The following NEDD1 variants were observed in gnomAD, a reference collection of about 807,000 sequenced individuals.
NEDD1 encodes the protein NEDD1 gamma-tubulin ring complex targeting factor.
In NEDD1, 33 loss-of-function variants were observed where a neutral mutation model predicts 74.0. The observed-to-expected ratio is 0.45, with a 90% CI of 0.34 to 0.60. The LOEUF (loss-of-function observed/expected upper bound fraction) is 0.60. NEDD1 is among the 20% of genes least tolerant of loss of function. The probability of loss-of-function intolerance (pLI) is 0.01; values close to 1 mark genes in which losing one functional copy is unlikely to be tolerated. For synonymous variants in NEDD1, 250 were observed against 264.4 expected, an observed-to-expected ratio of 0.95 and a Z score of 0.53; for missense variants, 746 against 776.5, an observed-to-expected ratio of 0.96 and a Z score of 0.47.
intron 6 of NEDD1, among the ~76,000 whole-genome samples, chr12:96,932,968 T>C (rs574287275): frequency 1.3e-5 from 2 of 152,008 alleles, no homozygotes; most frequent in East Asian, 3.9e-4. Context: ...CTTAGGTTTA[T>C]CTGAAGGGAA....
chr12:96,909,923 C>T, intron 3 of NEDD1, 28 bp downstream of exon 3: 1 of 1,588,336 alleles, frequency 6.3e-7, no homozygotes, highest in Non-Finnish European at 8.5e-7. Context: ...AAAACACACA[C>T]ACACACACAC....
chr12:96,924,720 T>A, intron 6 of NEDD1: 1 of 327,512 alleles, frequency 3.1e-6, no homozygotes, highest in South Asian at 2.6e-5. Context: ...AAAGAATTTG[T>A]AGTATTTACA....
At chr12:96,914,575 A>G (rs375295556) in intron 4 of NEDD1, among the ~76,000 whole-genome samples, 7 of 152,208 alleles carry the variant, frequency 4.6e-5, no homozygotes, top group East Asian at 3.8e-4. Context: ...ACAGAAACAT[A>G]TTAATGTGCT....
intron 15 of NEDD1, among the ~76,000 whole-genome samples, 191 bp downstream of exon 15, chr12:96,951,689 C>T (rs1565817996): frequency 6.6e-6 from 1 of 151,582 alleles, no homozygotes; most frequent in African/African-American, 2.4e-5. Flanking sequence ...GATACTTAAG[C>T]CTTCTTTTTT....
rs767893833 is a variant in NEDD1, at chr12:96,940,452, A to C, written c.1161A>C (p.Thr387=). The change falls in exon 10 of 16, where the codon ACA becomes ACC. Residue 387 remains threonine (T), a synonymous_variant. Coordinates refer to ENST00000266742, the MANE Select transcript of NEDD1 (RefSeq NM_152905.4). ...ACACAGACACTTTATCTAAGGAAAC[A>C]GACAGTGGAAAAAATCAGGATTTCT... ...SINTDTLSKE[T]DSGKNQDFSS... is the part of the protein sequence containing the mutation. 6.2e-7 allele frequency: 1 copy of C among 1,603,534 alleles called. No homozygotes were observed. Among genetic ancestry groups the C allele is most frequent in the Non-Finnish European group, 8.5e-7 (1 of 1,171,286 alleles).
At chr12:96,930,294 C>G (rs1876314958) in intron 6 of NEDD1, among the ~76,000 whole-genome samples, 1 of 151,616 alleles carries the variant, frequency 6.6e-6, no homozygotes. Context: ...TTTGGTCATT[C>G]TCTAGGAGAA....
chr12:96,940,351 T>G (rs1877539646), intron 9 of NEDD1, 58 bp from the exon 10 acceptor site: 2 of 1,063,602 alleles, frequency 1.9e-6, no homozygotes, highest in Admixed American at 4.3e-5. Context: ...ACAACCTAGC[T>G]TATGATAAAA....
chr12:96,915,628 A>G (rs969454125), intron 4 of NEDD1, among the ~76,000 whole-genome samples: 1 of 152,218 alleles, frequency 6.6e-6, no homozygotes, highest in African/African-American at 2.4e-5. Context: ...TGGAAGTTCC[A>G]ACTAATGTGA....
chr12:96,922,730 G>A (rs10431407), intron 6 of NEDD1, among the ~76,000 whole-genome samples: 72,825 of 152,032 alleles, frequency 0.48, 17,714 homozygotes, highest in African/African-American at 0.54. Context: ...ATACATTGGT[G>A]TAACTACTAA....
At position 96,952,501 on chromosome 12, in the gene NEDD1, T is replaced by C. The variant is rs116332402; in HGVS notation, c.*448T>C. On this transcript the variant is annotated 3_prime_UTR_variant, in exon 16 of 16. Transcript: ENST00000266742. ...AAAGTAATTTTAAAATGGCAATTGGTGTTTCTAAGCCATTGACTAATAAAA... is the reference window on the plus strand; with the variant it reads ...AAAGTAATTTTAAAATGGCAATTGGCGTTTCTAAGCCATTGACTAATAAAA... 0.013 allele frequency: 2,030 copies of C among 152,938 alleles called. 30 individuals carry two copies. Among genetic ancestry groups the C allele is most frequent in the South Asian group, 0.064 (314 of 4,872 alleles). 9.5% of individuals were successfully genotyped at this position (152,938 alleles called of 1,614,324 possible). A position where few individuals can be genotyped will look rare whatever the true frequency, so the allele number is the denominator to read the frequency against.
intron 11 of NEDD1, among the ~76,000 whole-genome samples, chr12:96,943,246 A>G (rs1031331456): frequency 6.6e-6 from 1 of 152,142 alleles, no homozygotes; most frequent in Non-Finnish European, 1.5e-5. Context: ...TCAGTTATCA[A>G]GAACTAATAC....
At chr12:96,947,241 T>C (rs1462214791) in intron 14 of NEDD1, among the ~76,000 whole-genome samples, 1 of 152,174 alleles carries the variant, frequency 6.6e-6, no homozygotes, top group Non-Finnish European at 1.5e-5. Context: ...CATAAATATT[T>C]ATGGCATAAT....
rs1459540714 is a variant in NEDD1 at position 96,943,712 on chromosome 12, T to C, written c.1447T>C (p.Ser483Pro). The C allele has an allele frequency of 1.9e-6, 3 of 1,612,448 alleles. No individual in the cohort carries two copies. The African/African-American group carries it at 4.0e-5, about 22-fold the overall frequency. The change falls in exon 12 of 16, where the codon TCT (serine) becomes CCT (proline). Residue 483 changes from serine (S) to proline (P), a missense_variant. Physicochemically the swap from Ser to Pro is moderately conservative, Grantham distance 74 (BLOSUM62 -1). Transcript: ENST00000266742. ...ENENRDLTAE[S>P]KKIYMGKQES... Reference sequence around the variant, plus strand: ...TGAAAACCGTGATCTAACAGCTGAGTCTAAGAAAATATATATGGGAAAACA... The same window carrying C: ...TGAAAACCGTGATCTAACAGCTGAGCCTAAGAAAATATATATGGGAAAACA...
chr12:96,913,147 G>A (rs111338569), intron 4 of NEDD1, among the ~76,000 whole-genome samples: 1 of 152,074 alleles, frequency 6.6e-6, no homozygotes, highest in Admixed American at 6.6e-5. Flanking sequence ...GTTGACCTGA[G>A]CATATAAACT....
chr12:96,952,558 T>C lies in NEDD1; in HGVS notation c.*505T>C, dbSNP rs1878803078. 1 of 151,954 alleles carries C rather than the reference T, an allele frequency of 6.6e-6. No homozygotes were observed. 9.4% of individuals were successfully genotyped at this position (151,954 alleles called of 1,614,324 possible). A position where few individuals can be genotyped will look rare whatever the true frequency, so the allele number is the denominator to read the frequency against. On this transcript the variant is annotated 3_prime_UTR_variant, in exon 16 of 16. Transcript: ENST00000266742. ...GTTGGCTAGTAATTATTTTGTTAAC[T>C]TGATGAAGTCAAGTATGACTATTAT...
At chr12:96,907,360 C>G in intron 1 of NEDD1, 60 bp downstream of exon 1, 1 of 420,726 alleles carries the variant, frequency 2.4e-6, no homozygotes, top group Non-Finnish European at 4.2e-6. Flanking sequence ...GCGCACCCTC[C>G]CGATCCTAAG....
At chr12:96,940,718 T>C (rs1393428910) in intron 10 of NEDD1, among the ~76,000 whole-genome samples, 181 bp downstream of exon 10, 1 of 152,098 alleles carries the variant, frequency 6.6e-6, no homozygotes, top group Non-Finnish European at 1.5e-5. Context: ...TTGTAAAATA[T>C]ATGCTGGTAA....
At chr12:96,910,042 AT>A in intron 3 of NEDD1, 147 bp downstream of exon 3, 1 of 858,368 alleles carries the variant, frequency 1.2e-6, no homozygotes, top group Non-Finnish European at 1.7e-6. Context: ...TAAAATAGTA[AT>A]TTACAAAACA....
At chr12:96,912,626 C>A in intron 3 of NEDD1, 97 bp from the exon 4 acceptor site, 1 of 652,618 alleles carries the variant, frequency 1.5e-6, no homozygotes, top group Non-Finnish European at 2.8e-6. Context: ...CATTGCTTGT[C>A]TTCTTAGTGT....
Sources: gnomAD v4.1 joint callset for allele counts (sites outside exome capture counted in the v4.1 genomes callset) on GRCh38, gnomAD v4.1.1 for gene constraint, MANE v1.5 for transcripts, NCBI Gene and HGNC (gene_info 2026-07-23, HGNC 2026-07-21) for gene names.